Variants in COL18A1 observed in about 807,000 individuals in gnomAD.
COL18A1 encodes collagen type XVIII alpha 1 chain, also known as collagen alpha-1(XVIII) chain.
COL18A1 carries 133 observed loss-of-function variants against 168.0 expected under a neutral mutation model. The observed-to-expected ratio is 0.79, with a 90% CI of 0.69 to 0.91. The LOEUF (loss-of-function observed/expected upper bound fraction) is 0.91. COL18A1 is among the 40% of genes least tolerant of loss of function. The pLI, the probability that COL18A1 is intolerant of heterozygous loss-of-function variation, is 0.00. For synonymous variants in COL18A1, 949 were observed against 809.0 expected (o/e 1.17, Z -2.94); for missense variants, 2,126 against 1,925.4 (o/e 1.10, Z -1.95).
At chr21:45,448,126 A>T (rs1290929186) in intron 2 of COL18A1, among the ~76,000 whole-genome samples, 1 of 151,920 alleles carries the variant, frequency 6.6e-6, no homozygotes, top group Non-Finnish European at 1.5e-5. Context: ...TCAGGAAGAA[A>T]CCTCTATTTT....
chr21:45,491,476 C>CGGTCAGAGACGACCTT (rs1602541052), intron 22 of COL18A1, among the ~76,000 whole-genome samples, 162 bp downstream of exon 22: 1 of 151,628 alleles, frequency 6.6e-6, no homozygotes, highest in East Asian at 2.0e-4. Context: ...CAGACGCCCT[C>CGGTCAGAGACGACCTT]GGTCAGAGAC....
chr21:45,467,962 GGACACCATGTCCCGTGCA>G (rs2035274474), intron 2 of COL18A1, among the ~76,000 whole-genome samples: 1 of 152,218 alleles, frequency 6.6e-6, no homozygotes, highest in Non-Finnish European at 1.5e-5. Flanking sequence ...GGGGGCCTGT[GGACACCATGTCCCGTGCA>G]GACACCATGT....
intron 2 of COL18A1, among the ~76,000 whole-genome samples, chr21:45,409,757 C>T (rs1164474368): frequency 1.3e-5 from 2 of 152,340 alleles, no homozygotes; most frequent in East Asian, 1.9e-4. Context: ...AACCCCGGGG[C>T]GGGAGTGGCT....
At chr21:45,495,715 T>TACACACGCACACACATAC (rs138241136) in intron 29 of COL18A1, 1 of 429,022 alleles carries the variant, frequency 2.3e-6, no homozygotes, top group African/African-American at 2.0e-5. Context: ...CGCGCACACA[T>TACACACGCACACACATAC]ACACGCACAC....
At position 45,443,152 on chromosome 21, in the gene COL18A1, G is replaced by C. The variant is rs1175960271; in HGVS notation, c.107-25090G>C. 6.6e-6 allele frequency among the ~76,000 whole-genome samples: 1 copy of C among 151,610 alleles called. No homozygotes were observed. The highest frequency in any genetic ancestry group is 2.4e-5 in the African/African-American group (1 of 41,202). On this transcript the variant is annotated intron_variant, in intron 2 of 41. Coordinates refer to ENST00000651438, the MANE Select transcript of COL18A1 (RefSeq NM_001379500.1). The surrounding 1 kb of genome is among the most constrained non-coding windows in gnomAD (Gnocchi z 5.2). The stretch of plus-strand genomic sequence containing the variant: ...GGTGTGGGCGGCGGTGCTGGTGTGG[G>C]CGGCGGTGCTGGTGTGGGTGGATTC...
chr21:45,509,178 G>A (rs1284049216), intron 38 of COL18A1, among the ~76,000 whole-genome samples, 178 bp from the exon 39 acceptor site: 2 of 152,056 alleles, frequency 1.3e-5, no homozygotes, highest in Non-Finnish European at 2.9e-5. Context: ...ACGGCAGGCA[G>A]GACTCCCCAC....
intron 2 of COL18A1, among the ~76,000 whole-genome samples, chr21:45,453,347 G>C (rs1002521451): frequency 2.0e-5 from 3 of 152,252 alleles, no homozygotes; most frequent in African/African-American, 4.8e-5. Context: ...AAGCATGCAT[G>C]TGCATGTGTT....
In COL18A1 at chr21:45,512,239, C is replaced by G. The variant is rs372279165; in HGVS notation, c.3861C>G (p.Thr1287=). The G allele has an allele frequency of 1.2e-6, 2 of 1,612,450 alleles. No homozygotes were observed. Among genetic ancestry groups the G allele is most frequent in the African/African-American group, 2.7e-5 (2 of 74,920 alleles). ...CGGACCCCAACGGGCGCAGGCTGAC[C>G]GAGAGCTACTGTGAGACGTGGCGGA... The part of the protein sequence containing the change: ...HGSDPNGRRL[T]ESYCETWRTE... Residue 1287 remains threonine (T), a synonymous_variant, in exon 42 of 42, where the codon ACC becomes ACG. Coordinates refer to ENST00000651438, the MANE Select transcript of COL18A1 (RefSeq NM_001379500.1).
intron 28 of COL18A1, 158 bp from the exon 29 acceptor site, chr21:45,495,200 A>G (rs1340140268): frequency 1.7e-5 from 12 of 695,920 alleles, no homozygotes; most frequent in East Asian, 2.7e-5. Flanking sequence ...TGTGCAGGAA[A>G]GGGGTGAGAA....
chr21:45,450,279 G>A (rs1211598015), intron 2 of COL18A1, among the ~76,000 whole-genome samples: 1 of 152,174 alleles, frequency 6.6e-6, no homozygotes, highest in Non-Finnish European at 1.5e-5. Flanking sequence ...AGGGAATGAA[G>A]AGGGTGGCTC....
chr21:45,500,015 G>GAC (rs749271008), intron 32 of COL18A1, among the ~76,000 whole-genome samples: 1 of 152,152 alleles, frequency 6.6e-6, no homozygotes, highest in Non-Finnish European at 1.5e-5. Context: ...GCTTACAAGA[G>GAC]ACGCTCCCCG....
At chr21:45,485,774 G>A (rs982585803) in intron 15 of COL18A1, among the ~76,000 whole-genome samples, 14 of 152,204 alleles carry the variant, frequency 9.2e-5, no homozygotes, top group Admixed American at 6.5e-4. Flanking sequence ...GCCCCTGTGG[G>A]GGACATGGGA....
rs528547810 is a variant in COL18A1, at chr21:45,477,723, C to G, written c.1006-27C>G. 5 of 1,515,480 alleles carry G rather than the reference C, an allele frequency of 3.3e-6. No individual in the cohort carries two copies. In the East Asian group the frequency reaches 7.4e-5, roughly 22 times the overall value. 93.9% of individuals were successfully genotyped at this position (1,515,480 alleles called of 1,614,324 possible). A position where few individuals can be genotyped will look rare whatever the true frequency, so the allele number is the denominator to read the frequency against. ...GGGTGTGTGGGGCCCCACCCCAGCCCGAGCCCTGTGTTCTGTTTATTCCCA... is the reference window on the plus strand; with the variant it reads ...GGGTGTGTGGGGCCCCACCCCAGCCGGAGCCCTGTGTTCTGTTTATTCCCA... On this transcript the variant is annotated intron_variant, in intron 7 of 41. Transcript: ENST00000651438.
At chr21:45,446,438 C>G (rs2034507524) in intron 2 of COL18A1, among the ~76,000 whole-genome samples, 1 of 152,178 alleles carries the variant, frequency 6.6e-6, no homozygotes, top group Admixed American at 6.5e-5. Context: ...AAGGTGCAAA[C>G]TACTCAAACT....
In COL18A1 at chr21:45,408,779, C is replaced by T. The variant is rs543609451; in HGVS notation, c.106+3306C>T. Among the ~76,000 whole-genome samples, 25 of 152,242 alleles carry T rather than the reference C, an allele frequency of 1.6e-4. No homozygotes were observed. In the East Asian group the frequency reaches 2.9e-3, roughly 18 times the overall value. On this transcript the variant is annotated intron_variant, in intron 2 of 41. Transcript: ENST00000651438. ...CCTGCTTCTGCTCAGGAAGGAGACC[C>T]GGCTGGGTCTGGCTGTGGAGCGTAT...
chr21:45,416,911 C>T (rs2033466045), intron 2 of COL18A1, among the ~76,000 whole-genome samples: 1 of 152,200 alleles, frequency 6.6e-6, no homozygotes, highest in African/African-American at 2.4e-5. Flanking sequence ...GCTGGTCTTG[C>T]TCTCGAGAGA....
chr21:45,456,633 C>T, intron 2 of COL18A1: 1 of 1,538,246 alleles, frequency 6.5e-7, no homozygotes, highest in Non-Finnish European at 8.7e-7. Flanking sequence ...CAGGTGCGGG[C>T]CGGGGCACGG....
At chr21:45,429,443 C>T (rs1247869078) in intron 2 of COL18A1, among the ~76,000 whole-genome samples, 1 of 152,180 alleles carries the variant, frequency 6.6e-6, no homozygotes, top group Non-Finnish European at 1.5e-5. Context: ...AGGGAGTCAG[C>T]GGACGTTGAT....
intron 31 of COL18A1, 35 bp from the exon 32 acceptor site, chr21:45,497,564 C>T (rs747963132): frequency 1.2e-5 from 18 of 1,551,944 alleles, no homozygotes; most frequent in Non-Finnish European, 1.5e-5. Context: ...CTCCCTGGCA[C>T]ATTCCTGATG....
Sources: gnomAD v4.1 joint callset for allele counts (sites outside exome capture counted in the v4.1 genomes callset) on GRCh38, gnomAD v4.1.1 for gene constraint, Gnocchi (gnomAD v3.1) non-coding constraint, MANE v1.5 for transcripts, NCBI Gene and HGNC (gene_info 2026-07-23, HGNC 2026-07-21) for gene names.